The following SYNE1 variants were observed in gnomAD, a reference collection of about 807,000 sequenced individuals.
SYNE1 encodes the protein spectrin repeat containing nuclear envelope protein 1, also known as nesprin-1.
A neutral mutation model predicts 1,111.0 loss-of-function variants in SYNE1; 616 were observed. The ratio of observed to expected loss-of-function variants is 0.55; its 90% CI spans 0.52 to 0.59. SYNE1 has a LOEUF of 0.59. SYNE1 is among the 20% of genes least tolerant of loss of function. The pLI is 0.00. For missense variants in SYNE1, 10,006 were observed against 10,417.0 expected, an observed-to-expected ratio of 0.96 and a Z score of 1.72; for synonymous variants, 3,855 against 3,825.8, an observed-to-expected ratio of 1.01 and a Z score of -0.28.
At chr6:152,451,024 A>ACATTGTGGTGTGGGAGACGTAC (rs1395844608) in intron 26 of SYNE1, 23 bp downstream of exon 26, 1 of 1,614,118 alleles carries the variant, frequency 6.2e-7, no homozygotes. Context: ...ACGGCTATCC[A>ACATTGTGGTGTGGGAGACGTAC]CATTGTGGTG....
At position 152,463,261 on chromosome 6, in the gene SYNE1, C is replaced by T. The variant is rs139951043; in HGVS notation, c.2097+92G>A. ...TATCTATGCTTTGCCTTAATAAACC[C>T]GTGCTCTAAAAATAGCATTCTCTCT... On this transcript the variant is annotated intron_variant, in intron 19 of 145. Coordinates refer to ENST00000367255, the MANE Select transcript of SYNE1 (RefSeq NM_182961.4). 2.6e-4 allele frequency: 408 copies of T among 1,571,578 alleles called. 2 individuals carry two copies. In the East Asian group the frequency reaches 8.7e-3, roughly 34 times the overall value.
intron 2 of SYNE1, among the ~76,000 whole-genome samples, chr6:152,635,989 T>G (rs1183158886): frequency 1.3e-5 from 2 of 152,212 alleles, no homozygotes; most frequent in African/African-American, 4.8e-5. Flanking sequence ...GCCTGCCCGT[T>G]GGGATGCACC....
Position 152,414,009 on chromosome 6 carries a change from C to CT in SYNE1, c.6051-479dup, listed in dbSNP as rs5880975. ...GAATATATATATATATATATATATA[C>CT]TTTTTTTTTTTAAACTTAAATTACC... On this transcript the variant is annotated intron_variant, in intron 41 of 145. Coordinates refer to ENST00000367255, the MANE Select transcript of SYNE1 (RefSeq NM_182961.4). 9.1e-4 allele frequency among the ~76,000 whole-genome samples: 127 copies of CT among 139,692 alleles called. 1 individual carries two copies. Among genetic ancestry groups the CT allele is most frequent in the South Asian group, 4.2e-3 (19 of 4,494 alleles). 91.6% of individuals were successfully genotyped at this position (139,692 alleles called of 152,430 possible).
At chr6:152,439,205 A>G (rs1303326142) in intron 32 of SYNE1, among the ~76,000 whole-genome samples, 1 of 152,350 alleles carries the variant, frequency 6.6e-6, no homozygotes, top group Non-Finnish European at 1.5e-5. Context: ...TTTGAATAAC[A>G]AGACTCAAAA....
At chr6:152,352,505 C>T (rs1024848844) in intron 69 of SYNE1, 152 bp from the exon 70 acceptor site, 5 of 779,610 alleles carry the variant, frequency 6.4e-6, no homozygotes, top group South Asian at 1.8e-5. Flanking sequence ...TGGGTTCCAG[C>T]GATTCTCCTG....
At chr6:152,574,864 G>C (rs1168436094) in intron 3 of SYNE1, among the ~76,000 whole-genome samples, 1 of 152,040 alleles carries the variant, frequency 6.6e-6, no homozygotes, top group Non-Finnish European at 1.5e-5. Context: ...TGAAACGTCA[G>C]TTCACTCTTA....
intron 108 of SYNE1, among the ~76,000 whole-genome samples, chr6:152,237,255 A>G (rs189208903): frequency 2.6e-5 from 4 of 151,422 alleles, no homozygotes; most frequent in South Asian, 4.2e-4. Flanking sequence ...CTTCTCCATC[A>G]TGAGGATTAA....
chr6:152,627,601 G>A (rs566439301), intron 3 of SYNE1, among the ~76,000 whole-genome samples: 1 of 152,214 alleles, frequency 6.6e-6, no homozygotes, highest in South Asian at 2.1e-4. Flanking sequence ...AGGTTGGAGT[G>A]AGCCGAGATA....
intron 129 of SYNE1, among the ~76,000 whole-genome samples, 158 bp from the exon 130 acceptor site, chr6:152,176,718 G>T (rs1490212718): frequency 1.3e-5 from 2 of 152,066 alleles, no homozygotes; most frequent in Non-Finnish European, 2.9e-5. Context: ...ACAAGTATTA[G>T]TAGTGCCTAT....
In SYNE1 at chr6:152,458,943, A is replaced by G. The variant is rs1593135690; in HGVS notation, c.2395-13T>C. The G allele has an allele frequency of 6.2e-7, 1 of 1,613,730 alleles. No individual in the cohort carries two copies. The highest frequency in any genetic ancestry group is 8.5e-7 in the Non-Finnish European group (1 of 1,179,754). Reference sequence around the variant, plus strand: ...AACATTCTTTGACCTTTAAAAACATAAAGACAAAAATTCCATGAAAGACCA... The same window carrying G: ...AACATTCTTTGACCTTTAAAAACATGAAGACAAAAATTCCATGAAAGACCA... On this transcript the variant is annotated splice_polypyrimidine_tract_variant and intron_variant, in intron 21 of 145. Coordinates refer to ENST00000367255, the MANE Select transcript of SYNE1 (RefSeq NM_182961.4).
intron 6 of SYNE1, among the ~76,000 whole-genome samples, chr6:152,514,006 AG>A (rs2099098980): frequency 6.6e-6 from 1 of 152,246 alleles, no homozygotes; most frequent in Non-Finnish European, 1.5e-5. Context: ...GTGGAGAAGT[AG>A]GAACGCATTT....
At chr6:152,223,414 G>T (rs1465521313) in intron 117 of SYNE1, among the ~76,000 whole-genome samples, 1 of 152,152 alleles carries the variant, frequency 6.6e-6, no homozygotes, top group Admixed American at 6.5e-5. Context: ...GAGGTCAGGA[G>T]TTCAAGACCA....
At chr6:152,400,221 TA>T (rs77663853) in intron 47 of SYNE1, among the ~76,000 whole-genome samples, 8,922 of 143,456 alleles carry the variant, frequency 0.062, 394 homozygotes, top group African/African-American at 0.13. Flanking sequence ...GTAGTTAATT[TA>T]AAAAAAAAAA....
chr6:152,502,815 C>A, intron 9 of SYNE1, 73 bp from the exon 10 acceptor site: 1 of 1,134,096 alleles, frequency 8.8e-7, no homozygotes, highest in South Asian at 1.3e-5. Flanking sequence ...AGTTTGGTAT[C>A]TAGCTATCAC....
In SYNE1 at chr6:152,377,061, A is replaced by T. The variant is rs892616152; in HGVS notation, c.9010-149T>A. 3.3e-5 allele frequency: 36 copies of T among 1,097,966 alleles called. No homozygotes were observed. The Admixed American group carries it at 4.2e-4, about 13-fold the overall frequency. The allele number at this position is 1,097,966 out of a possible 1,614,324, so 68.0% of individuals were successfully genotyped here. A position where few individuals can be genotyped will look rare whatever the true frequency, so the allele number is the denominator to read the frequency against. On this transcript the variant is annotated intron_variant, in intron 56 of 145. Transcript: ENST00000367255. ...CAATGAAGAAATGAAGCCTGTTTTC[A>T]GGATTCCTCTGACAAATAATAGCAC...
chr6:152,443,038 TTTTTATTGAAGTATAATCTTCAAA>T (rs2098546862), intron 30 of SYNE1, among the ~76,000 whole-genome samples: 1 of 152,178 alleles, frequency 6.6e-6, no homozygotes, highest in Non-Finnish European at 1.5e-5. Context: ...TAAAGTAAAC[TTTTTATTGAAGTATAATCTTCAAA>T]TAGAATAGTA....
chr6:152,449,194 G>A (rs1255846354), intron 28 of SYNE1, among the ~76,000 whole-genome samples: 1 of 152,168 alleles, frequency 6.6e-6, no homozygotes, highest in African/African-American at 2.4e-5. Flanking sequence ...GGCTGAAAAT[G>A]TATTGTATAA....
intron 3 of SYNE1, among the ~76,000 whole-genome samples, chr6:152,549,363 A>G (rs2099329186): frequency 6.6e-6 from 1 of 152,222 alleles, no homozygotes; most frequent in African/African-American, 2.4e-5. Context: ...AGAAAGCATG[A>G]ATTCTGATTG....
In SYNE1 at chr6:152,236,153, A is replaced by C. The variant is rs1046225362; in HGVS notation, c.20350T>G (p.Ser6784Ala). The change falls in exon 110 of 146, where the codon TCT becomes GCT. Residue 6784 changes from serine to alanine, a missense_variant. Ser to Ala is a moderately conservative substitution (Grantham distance 99). Coordinates refer to ENST00000367255, the MANE Select transcript of SYNE1 (RefSeq NM_182961.4). ...ECWLSNTNKM[S>A]KELHRLETIL... ...GTTTCCAGTCTGTGAAGTTCCTTAG[A>C]CATTTTATTGGTGTTACTTAGCCAG... 1 of 1,614,046 alleles carries C rather than the reference A, an allele frequency of 6.2e-7. No homozygotes were observed. Among genetic ancestry groups the C allele is most frequent in the Non-Finnish European group, 8.5e-7 (1 of 1,180,026 alleles).
Sources: gnomAD v4.1 joint callset for allele counts (sites outside exome capture counted in the v4.1 genomes callset) on GRCh38, gnomAD v4.1.1 for gene constraint, MANE v1.5 for transcripts, NCBI Gene and HGNC (gene_info 2026-07-23, HGNC 2026-07-21) for gene names.